ITPR2: variants seen among roughly 807,000 people sequenced by gnomAD.
ITPR2 encodes the protein inositol 1,4,5-trisphosphate receptor type 2, also known as inositol 1,4,5-trisphosphate-gated calcium channel ITPR2.
In ITPR2, 207 loss-of-function variants were observed where a neutral mutation model predicts 317.1. The ratio of observed to expected loss-of-function variants is 0.65; its 90% confidence interval spans 0.58 to 0.73. ITPR2 has a LOEUF of 0.73. Among genes scored for constraint, ITPR2 ranks in the 30% least tolerant of loss-of-function variants. The probability of loss-of-function intolerance (pLI) is 0.00; values close to 1 mark genes in which losing one functional copy is unlikely to be tolerated. For missense variants in ITPR2, 2,613 were observed against 3,284.0 expected (o/e 0.80, Z 4.99); for synonymous variants, 1,156 against 1,149.1 (o/e 1.01, Z -0.12).
chr12:26,745,553 T>C (rs10771297), intron 2 of ITPR2, among the ~76,000 whole-genome samples: 123,009 of 152,214 alleles, frequency 0.81, 49,924 homozygotes, highest in East Asian at 0.98. Context: ...ACTCCTTCCT[T>C]AGAATCACAG....
intron 32 of ITPR2, among the ~76,000 whole-genome samples, chr12:26,590,253 A>C (rs1591935909): frequency 6.6e-6 from 1 of 152,194 alleles, no homozygotes; most frequent in African/African-American, 2.4e-5. Context: ...CATTTTCTTC[A>C]AGTTATATAA....
intron 35 of ITPR2, among the ~76,000 whole-genome samples, chr12:26,560,064 T>C (rs1332346798): frequency 6.6e-6 from 1 of 152,214 alleles, no homozygotes; most frequent in Non-Finnish European, 1.5e-5. Context: ...GTGGCTAGCA[T>C]AGAATTTTCA....
chr12:26,752,175 T>C (rs1334820786), intron 2 of ITPR2, among the ~76,000 whole-genome samples: 2 of 152,338 alleles, frequency 1.3e-5, no homozygotes, highest in East Asian at 3.9e-4. Flanking sequence ...TACTTGAGTT[T>C]GTTTCTCCTA....
chr12:26,590,050 G>A (rs975088696), intron 32 of ITPR2, among the ~76,000 whole-genome samples: 2 of 151,550 alleles, frequency 1.3e-5, no homozygotes, highest in African/African-American at 2.4e-5. Flanking sequence ...ATCAGAAGAG[G>A]AATAACTGAA....
At chr12:26,631,406 T>A (rs1207279234) in intron 22 of ITPR2, among the ~76,000 whole-genome samples, 1 of 152,234 alleles carries the variant, frequency 6.6e-6, no homozygotes, top group Non-Finnish European at 1.5e-5. Flanking sequence ...ATTAATAATT[T>A]TTGTTAATAA....
At chr12:26,644,432 C>T (rs1392363611) in intron 21 of ITPR2, among the ~76,000 whole-genome samples, 7 of 152,124 alleles carry the variant, frequency 4.6e-5, no homozygotes, top group Non-Finnish European at 1.0e-4. Flanking sequence ...TCTGCTGGCA[C>T]CATTATATTA....
At chr12:26,502,571 T>C (rs1369201041) in intron 37 of ITPR2, among the ~76,000 whole-genome samples, 1 of 152,186 alleles carries the variant, frequency 6.6e-6, no homozygotes, top group Admixed American at 6.5e-5. Flanking sequence ...GTGCTGTCAG[T>C]GCAGGCGTGT....
At position 26,578,810 on chromosome 12, in the gene ITPR2, C is replaced by G; in HGVS notation, c.4533G>C (p.Gln1511His). 6.2e-7 allele frequency: 1 copy of G among 1,609,208 alleles called. No individual in the cohort carries two copies. The highest frequency in any genetic ancestry group is 1.7e-4 in the Middle Eastern group (1 of 6,046). ...SLQTHQPVFI[Q>H]LLQSAFRIYN... Reference sequence around the variant, plus strand: ...AAATTCTGAAGGCAGATTGCAGTAGCTGAATAAAAACTGGCTGATGTGTCT... The same window carrying G: ...AAATTCTGAAGGCAGATTGCAGTAGGTGAATAAAAACTGGCTGATGTGTCT... Residue 1511 changes from glutamine (Q) to histidine (H), a missense_variant, in exon 34 of 57, where the codon CAG (glutamine) becomes CAC (histidine). Around this residue, in one of 9 missense-constraint regions of ITPR2, gnomAD observed 926 missense variants for 1,072.8 expected, o/e 0.86. Transcript: ENST00000381340.
chr12:26,568,015 TA>T (rs1945054152), intron 34 of ITPR2, among the ~76,000 whole-genome samples: 1 of 84,944 alleles, frequency 1.2e-5, no homozygotes, highest in South Asian at 3.5e-4. Context: ...ATTATATATA[TA>T]TATATATATA....
intron 1 of ITPR2, among the ~76,000 whole-genome samples, chr12:26,798,696 T>A (rs1045504228): frequency 2.6e-5 from 4 of 152,224 alleles, no homozygotes; most frequent in African/African-American, 9.6e-5. Flanking sequence ...TAATCCAGAA[T>A]AACTTAAACA....
intron 37 of ITPR2, among the ~76,000 whole-genome samples, chr12:26,509,901 C>T (rs545897066): frequency 1.4e-5 from 2 of 147,038 alleles, no homozygotes; most frequent in Admixed American, 1.4e-4. Flanking sequence ...TAAAAAAGCC[C>T]TCATCTTCCT....
At chr12:26,477,065 T>C in intron 43 of ITPR2, 58 bp from the exon 44 acceptor site, 1 of 1,101,590 alleles carries the variant, frequency 9.1e-7, no homozygotes, top group Non-Finnish European at 1.4e-6. Context: ...ATTAACGATT[T>C]CTCTGCATTT....
chr12:26,686,704 AG>A, intron 10 of ITPR2, 72 bp from the exon 11 acceptor site: 3 of 1,330,400 alleles, frequency 2.3e-6, no homozygotes, highest in East Asian at 4.8e-5. Context: ...TCAGGTGATA[AG>A]GTTTAAATGT....
chr12:26,542,413 G>T (rs1351654082), intron 37 of ITPR2, among the ~76,000 whole-genome samples: 1 of 152,180 alleles, frequency 6.6e-6, no homozygotes. Context: ...TGTTTAGGTT[G>T]GAATCCCAGG....
intron 34 of ITPR2, among the ~76,000 whole-genome samples, chr12:26,571,297 G>C (rs1348501513): frequency 6.6e-6 from 1 of 152,124 alleles, no homozygotes; most frequent in Non-Finnish European, 1.5e-5. Flanking sequence ...ACATGACATA[G>C]TAAACTCACA....
At chr12:26,477,951 C>A (rs886255441) in intron 43 of ITPR2, among the ~76,000 whole-genome samples, 2 of 152,114 alleles carry the variant, frequency 1.3e-5, no homozygotes, top group Non-Finnish European at 2.9e-5. Context: ...TCTTAACCTC[C>A]ACACACAATC....
chr12:26,453,607 T>C (rs760778164), intron 45 of ITPR2, among the ~76,000 whole-genome samples: 2 of 152,236 alleles, frequency 1.3e-5, no homozygotes, highest in Admixed American at 6.5e-5. Flanking sequence ...CTTATTTCTT[T>C]TTGATGTAAC....
At chr12:26,651,562 T>C (rs1213823057) in intron 21 of ITPR2, among the ~76,000 whole-genome samples, 1 of 152,262 alleles carries the variant, frequency 6.6e-6, no homozygotes, top group Non-Finnish European at 1.5e-5. Context: ...TGCTTGAAGC[T>C]ACTTAATTCC....
At chr12:26,742,991 G>T (rs1949260199) in intron 2 of ITPR2, among the ~76,000 whole-genome samples, 1 of 152,198 alleles carries the variant, frequency 6.6e-6, no homozygotes, top group African/African-American at 2.4e-5. Flanking sequence ...GCCAGGGCTG[G>T]GAGGAGGGGG....
Sources: allele counts gnomAD v4.1 joint callset (sites outside exome capture counted in the v4.1 genomes callset), GRCh38; gene constraint gnomAD v4.1.1; regional missense constraint gnomAD v4.1.1; transcripts MANE v1.5; gene names NCBI Gene and HGNC (gene_info 2026-07-23, HGNC 2026-07-21).